Variants in GCNT4 observed in about 807,000 individuals in gnomAD.
The protein encoded by GCNT4 is glucosaminyl (N-acetyl) transferase 4.
GCNT4 carries 17 observed loss-of-function variants against 31.3 expected under a neutral mutation model. That is an observed-to-expected ratio of 0.54 (90% CI 0.37 to 0.81). The LOEUF (loss-of-function observed/expected upper bound fraction) is 0.81, where lower values mean the gene tolerates loss of function less well. GCNT4 is among the 40% of genes least tolerant of loss of function. The pLI is 0.00. For synonymous variants in GCNT4, 158 were observed against 190.6 expected (o/e 0.83, Z 1.41); for missense variants, 503 against 525.5 (o/e 0.96, Z 0.42).
chr5:75,046,743 AG>A (rs1743447051), intron 3 of GCNT4, among the ~76,000 whole-genome samples: 1 of 152,238 alleles, frequency 6.6e-6, no homozygotes, highest in Admixed American at 6.5e-5. Context: ...AAGCAATAAA[AG>A]AGCTAGAAGC....
At chr5:75,031,402 A>T (rs1000009403) in intron 3 of GCNT4, among the ~76,000 whole-genome samples, 3 of 152,102 alleles carry the variant, frequency 2.0e-5, no homozygotes, top group African/African-American at 7.2e-5. Context: ...CAGATAGTAA[A>T]TATTTTTGGC....
At chr5:75,046,321 G>A (rs1313229832) in intron 3 of GCNT4, among the ~76,000 whole-genome samples, 1 of 152,150 alleles carries the variant, frequency 6.6e-6, no homozygotes, top group Non-Finnish European at 1.5e-5. Flanking sequence ...GTAGAATGTG[G>A]GGGTGTAGAG....
chr5:75,030,407 A>G (rs1425773548), intron 3 of GCNT4: 4 of 188,368 alleles, frequency 2.1e-5, no homozygotes, highest in Non-Finnish European at 4.9e-5. Context: ...GATGTCATCA[A>G]CAGGGCCTCA....
At chr5:75,051,755 T>G (rs1021857160) in intron 2 of GCNT4, among the ~76,000 whole-genome samples, 1 of 152,180 alleles carries the variant, frequency 6.6e-6, no homozygotes, top group Non-Finnish European at 1.5e-5. Context: ...GCAGGAGATG[T>G]GACATTTAGC....
Position 75,027,010 on chromosome 5 carries a change from C to T in GCNT4, c.*1666G>A, listed in dbSNP as rs979369925. ...GTGCATTTCACATTTAGAACACAGA[C>T]ATTTAAAAAATATGTAATACTTAAA... is the stretch of plus-strand genomic sequence containing the variant. On this transcript the variant is annotated 3_prime_UTR_variant, in exon 4 of 4. Transcript: ENST00000652361. The T allele has an allele frequency of 1.3e-5, 2 of 151,860 alleles. No homozygotes were observed. The highest frequency in any genetic ancestry group is 1.3e-4 in the Admixed American group (2 of 15,228). The allele number at this position is 151,860 out of a possible 1,614,324, so 9.4% of individuals were successfully genotyped here. A position where few individuals can be genotyped will look rare whatever the true frequency, so the allele number is the denominator to read the frequency against.
downstream of GCNT4, among the ~76,000 whole-genome samples, chr5:75,024,574 C>A (rs372405679): frequency 1.4e-4 from 22 of 152,180 alleles, no homozygotes; most frequent in East Asian, 2.5e-3. Flanking sequence ...GCTGGGAGAA[C>A]AGAGCAGAAG....
chr5:75,020,655 C>A (rs891079802), downstream of GCNT4, among the ~76,000 whole-genome samples: 30 of 152,068 alleles, frequency 2.0e-4, no homozygotes, highest in African/African-American at 7.2e-4. Context: ...TAACCCCAAG[C>A]AGGACATTTG....
At chr5:75,042,370 T>C (rs1240431567) in intron 3 of GCNT4, among the ~76,000 whole-genome samples, 1 of 152,224 alleles carries the variant, frequency 6.6e-6, no homozygotes, top group Non-Finnish European at 1.5e-5. Flanking sequence ...ATCTACATGG[T>C]ATGCTTTTTT....
At chr5:75,022,452 G>A (rs1742891345), downstream of GCNT4, among the ~76,000 whole-genome samples, 1 of 152,160 alleles carries the variant, frequency 6.6e-6, no homozygotes, top group South Asian at 2.1e-4. Context: ...TCAGCCTAAT[G>A]CTTGCAATGT....
intron 3 of GCNT4, among the ~76,000 whole-genome samples, chr5:75,034,343 G>T (rs758313512): frequency 7.2e-5 from 11 of 152,354 alleles, no homozygotes; most frequent in Admixed American, 1.3e-4. Context: ...CAAGTTGCAG[G>T]GGGTGGAGGT....
the GCNT4 span, chr5:75,017,386 G>C: frequency 6.6e-6 from 1 of 152,164 alleles, no homozygotes; most frequent in African/African-American, 2.4e-5. Flanking sequence ...ACTGCCCACA[G>C]TGAGCATTCA....
intron 3 of GCNT4, among the ~76,000 whole-genome samples, chr5:75,039,387 C>G (rs1298179180): frequency 6.6e-6 from 1 of 152,224 alleles, no homozygotes. Flanking sequence ...AGCCACTGCA[C>G]CCGGCCTCTT....
Position 75,029,723 on chromosome 5 carries a change from T to C in GCNT4, c.315A>G (p.Ala105=), listed in dbSNP as rs1385382278. The C allele has an allele frequency of 1.2e-6, 2 of 1,614,168 alleles. No individual in the cohort carries two copies. Among genetic ancestry groups the C allele is most frequent in the East Asian group, 4.5e-5 (2 of 44,880 alleles). The change falls in exon 4 of 4, where the codon GCA becomes GCG. Residue 105 remains alanine, a synonymous_variant. Transcript: ENST00000652361. ...IIDLEDDDVV[A]MTSDCDIYQT... is the part of the protein sequence containing the mutation. ...GATAAATGTCACAATCACTGGTCAT[T>C]GCCACAACATCATCATCCTCCAAGT...
chr5:75,039,708 A>C (rs916977627), intron 3 of GCNT4, among the ~76,000 whole-genome samples: 3 of 151,652 alleles, frequency 2.0e-5, no homozygotes, highest in African/African-American at 7.3e-5. Flanking sequence ...ACCTCTTTCC[A>C]CTCCATGGGA....
the GCNT4 span, among the ~76,000 whole-genome samples, chr5:75,020,281 C>T: frequency 3.9e-5 from 6 of 152,128 alleles, no homozygotes; most frequent in South Asian, 4.1e-4. Flanking sequence ...TGGCACGGCA[C>T]GGCATGGCAC....
At chr5:75,053,286 G>A (rs1249424626), upstream of GCNT4, among the ~76,000 whole-genome samples, 2 of 151,966 alleles carry the variant, frequency 1.3e-5, no homozygotes, top group Non-Finnish European at 2.9e-5. Context: ...CGGGGCTCCT[G>A]CAGGCGCGGA....
Position 75,029,324 on chromosome 5 carries a change from T to A in GCNT4, c.714A>T (p.Glu238Asp). Reference protein sequence around the residue: ...GQDFPLKSNFELVSELKKLNG... With the variant: ...GQDFPLKSNFDLVSELKKLNG... Reference sequence around the variant, plus strand: ...TGAGTTTTTTCAACTCTGACACCAATTCAAAATTTGACTTCAGGGGAAAAT... The same window carrying A: ...TGAGTTTTTTCAACTCTGACACCAAATCAAAATTTGACTTCAGGGGAAAAT... Residue 238 changes from glutamate to aspartate, a missense_variant, in exon 4 of 4, where the codon GAA (glutamate) becomes GAT (aspartate). Physicochemically the swap from Glu to Asp is conservative, Grantham distance 45 (BLOSUM62 2). Transcript: ENST00000652361. The A allele has an allele frequency of 6.2e-7, 1 of 1,614,124 alleles. No individual in the cohort carries two copies. The highest frequency in any genetic ancestry group is 8.5e-7 in the Non-Finnish European group (1 of 1,180,006).
chr5:75,024,280 T>G (rs987977483), downstream of GCNT4, among the ~76,000 whole-genome samples: 3 of 152,208 alleles, frequency 2.0e-5, no homozygotes, highest in African/African-American at 7.2e-5. Flanking sequence ...AATAGTCCCC[T>G]GTTCCTGAAA....
downstream of GCNT4, among the ~76,000 whole-genome samples, chr5:75,024,889 T>C (rs1045938455): frequency 7.1e-6 from 1 of 141,380 alleles, no homozygotes; most frequent in African/African-American, 2.7e-5. Flanking sequence ...AGGCGGAGGT[T>C]GCAGTGAGCC....
Sources: gnomAD v4.1 joint callset for allele counts (sites outside exome capture counted in the v4.1 genomes callset) on GRCh38, gnomAD v4.1.1 for gene constraint, MANE v1.5 for transcripts, NCBI Gene and HGNC (gene_info 2026-07-23, HGNC 2026-07-21) for gene names.